The following GLG1 variants were observed in gnomAD, a reference collection of about 807,000 sequenced individuals.
The protein encoded by GLG1 is Golgi apparatus protein 1.
In GLG1, 38 loss-of-function variants were observed where a neutral mutation model predicts 160.5. The ratio of observed to expected loss-of-function variants is 0.24; its 90% confidence interval spans 0.18 to 0.31. The LOEUF (loss-of-function observed/expected upper bound fraction) is 0.31. Among genes scored for constraint, GLG1 ranks in the 10% least tolerant of loss-of-function variants. The pLI, the probability that GLG1 is intolerant of heterozygous loss-of-function variation, is 1.00. For synonymous variants in GLG1, 644 were observed against 543.4 expected (o/e 1.19, Z -2.57); for missense variants, 1,373 against 1,505.2 (o/e 0.91, Z 1.45).
chr16:74,457,784 A>C, intron 24 of GLG1, 90 bp downstream of exon 24: 1 of 1,261,214 alleles, frequency 7.9e-7, no homozygotes, highest in Non-Finnish European at 1.1e-6. Flanking sequence ...GACCATACAG[A>C]CCACAGTAGC....
chr16:74,528,888 A>G (rs1348996219), intron 2 of GLG1, among the ~76,000 whole-genome samples: 1 of 146,190 alleles, frequency 6.8e-6, no homozygotes, highest in Non-Finnish European at 1.5e-5. Flanking sequence ...CGTTGAATTT[A>G]TGGGTTAATG....
chr16:74,558,034 C>G (rs1184444889), intron 1 of GLG1, among the ~76,000 whole-genome samples: 1 of 152,132 alleles, frequency 6.6e-6, no homozygotes, highest in Admixed American at 6.6e-5. Flanking sequence ...CAGTAAAACC[C>G]TGAAACTGTA....
chr16:74,606,635 C>G, intron 1 of GLG1, 22 bp downstream of exon 1: 1 of 1,534,120 alleles, frequency 6.5e-7, no homozygotes, highest in Non-Finnish European at 8.8e-7. Context: ...CTGGCCCTCC[C>G]GGCTTCGTCC....
chr16:74,586,536 A>C (rs758316680), intron 1 of GLG1, among the ~76,000 whole-genome samples: 3 of 151,970 alleles, frequency 2.0e-5, no homozygotes, highest in Middle Eastern at 3.4e-3. Flanking sequence ...GTGCAGTGGC[A>C]CAATCATAAC....
intron 11 of GLG1, 54 bp downstream of exon 11, chr16:74,480,187 A>T (rs2015547715): frequency 7.0e-7 from 1 of 1,436,936 alleles, no homozygotes; most frequent in African/African-American, 1.4e-5. Context: ...TACAGCAAAC[A>T]ATTTAAAAAA....
At chr16:74,579,068 A>G (rs967257075) in intron 1 of GLG1, among the ~76,000 whole-genome samples, 4 of 152,208 alleles carry the variant, frequency 2.6e-5, no homozygotes, top group African/African-American at 9.6e-5. Flanking sequence ...ACACAAGCTG[A>G]GAAGTTAAAT....
chr16:74,468,648 T>G, intron 17 of GLG1: 1 of 313,264 alleles, frequency 3.2e-6, no homozygotes, highest in Non-Finnish European at 6.1e-6. Context: ...ATTACCTGCA[T>G]GAGCCACAGC....
At chr16:74,568,380 C>G (rs1321907510) in intron 1 of GLG1, among the ~76,000 whole-genome samples, 2 of 150,536 alleles carry the variant, frequency 1.3e-5, no homozygotes, top group Non-Finnish European at 2.9e-5. Flanking sequence ...AAATCTCACT[C>G]TGATAAAGCA....
chr16:74,501,917 T>C (rs2016417229), intron 4 of GLG1, among the ~76,000 whole-genome samples: 1 of 152,192 alleles, frequency 6.6e-6, no homozygotes, highest in African/African-American at 2.4e-5. Flanking sequence ...ACAGAGTTTT[T>C]CAAGACCAAC....
chr16:74,450,635 G>A lies in GLG1; in HGVS notation c.*2532C>T, dbSNP rs1258864009. On this transcript the variant is annotated 3_prime_UTR_variant, in exon 26 of 26. Transcript: ENST00000422840. Reference sequence around the variant, plus strand: ...GGAAGCTGAGGCGGGTGGATCATGAGATCAGGAGTTCAAGACCAGCCTGGC... The same window carrying A: ...GGAAGCTGAGGCGGGTGGATCATGAAATCAGGAGTTCAAGACCAGCCTGGC... 1 of 152,148 alleles carries A rather than the reference G, an allele frequency of 6.6e-6. No individual in the cohort carries two copies. The highest frequency in any genetic ancestry group is 1.5e-5 in the Non-Finnish European group (1 of 68,056). The allele number at this position is 152,148 out of a possible 1,614,324, so 9.4% of individuals were successfully genotyped here.
chr16:74,480,702 G>A (rs1339863749), intron 10 of GLG1, among the ~76,000 whole-genome samples: 3 of 151,960 alleles, frequency 2.0e-5, no homozygotes, highest in African/African-American at 7.3e-5. Flanking sequence ...TGAGGCAACA[G>A]GCACACACCA....
intron 1 of GLG1, among the ~76,000 whole-genome samples, chr16:74,591,841 G>T (rs897011656): frequency 6.6e-6 from 1 of 152,020 alleles, no homozygotes; most frequent in Non-Finnish European, 1.5e-5. Context: ...GAATTTATCT[G>T]GTTTTATACA....
intron 3 of GLG1, among the ~76,000 whole-genome samples, chr16:74,506,517 G>A (rs1332273065): frequency 1.4e-5 from 2 of 141,540 alleles, no homozygotes; most frequent in Admixed American, 1.6e-4. Flanking sequence ...GGGAGGCGGA[G>A]CTTGCAGCGA....
rs1045212962 is a variant in GLG1 at position 74,480,505 on chromosome 16, C to A, written c.1674-111G>T. 8 of 684,886 alleles carry A rather than the reference C, an allele frequency of 1.2e-5. No homozygotes were observed. The Admixed American group carries it at 2.3e-4, about 20-fold the overall frequency. The allele number at this position is 684,886 out of a possible 1,614,324, so 42.4% of individuals were successfully genotyped here. A position where few individuals can be genotyped will look rare whatever the true frequency, so the allele number is the denominator to read the frequency against. On this transcript the variant is annotated intron_variant, in intron 10 of 25. Coordinates refer to ENST00000422840, the MANE Select transcript of GLG1 (RefSeq NM_001145667.2). ...TTGTATACTCATTGATAATCACTTC[C>A]AGGGGCGTGGAGACAGAAGATATGT... is the stretch of plus-strand genomic sequence containing the variant.
At chr16:74,479,493 T>G (rs2015522826) in intron 11 of GLG1, among the ~76,000 whole-genome samples, 1 of 151,284 alleles carries the variant, frequency 6.6e-6, no homozygotes, top group Non-Finnish European at 1.5e-5. Flanking sequence ...CACAGCAGTA[T>G]AAACACTGGG....
Position 74,477,402 on chromosome 16 carries a change from A to G in GLG1, c.1959T>C (p.Thr653=). ...AGAAAGCGATGTCACCTACCTGTCC[A>G]GTCTCTGTTTTCTCACTGCACCATT... ...LGKWCSEKTE[T]GQELECLQDH... The change falls in exon 12 of 26, where the codon ACT becomes ACC. Residue 653 remains threonine, a synonymous_variant. Transcript: ENST00000422840. 1 of 1,611,216 alleles carries G rather than the reference A, an allele frequency of 6.2e-7. No homozygotes were observed. Among genetic ancestry groups the G allele is most frequent in the Non-Finnish European group, 8.5e-7 (1 of 1,177,334 alleles).
chr16:74,545,080 T>C (rs2018010222), intron 1 of GLG1, among the ~76,000 whole-genome samples: 1 of 152,180 alleles, frequency 6.6e-6, no homozygotes, highest in South Asian at 2.1e-4. Flanking sequence ...TTAAATTACA[T>C]CAATCACATT....
At chr16:74,587,963 G>A (rs1167543235) in intron 1 of GLG1, among the ~76,000 whole-genome samples, 3 of 152,150 alleles carry the variant, frequency 2.0e-5, no homozygotes, top group Non-Finnish European at 4.4e-5. Context: ...AACGTCTATA[G>A]GTGAAATATA....
chr16:74,501,574 T>C (rs374607135), intron 4 of GLG1, among the ~76,000 whole-genome samples: 1 of 152,318 alleles, frequency 6.6e-6, no homozygotes, highest in African/African-American at 2.4e-5. Context: ...AGGAGGCTAA[T>C]CAGCTGCTAC....
Sources: gnomAD v4.1 joint callset for allele counts (sites outside exome capture counted in the v4.1 genomes callset) on GRCh38, gnomAD v4.1.1 for gene constraint, MANE v1.5 for transcripts, NCBI Gene and HGNC (gene_info 2026-07-23, HGNC 2026-07-21) for gene names.